The following HIVEP1 variants were observed in gnomAD, a reference collection of about 807,000 sequenced individuals.
HIVEP1 encodes zinc finger protein 40.
Under a neutral mutation model 180.0 loss-of-function variants are expected in HIVEP1, and 36 were observed. That is an observed-to-expected ratio of 0.20 (90% CI 0.15 to 0.26). HIVEP1 has a LOEUF of 0.26. HIVEP1 is among the 10% of genes least tolerant of loss of function. The pLI is 1.00. For synonymous variants in HIVEP1, 1,239 were observed against 1,239.0 expected, an observed-to-expected ratio of 1.00 and a Z score of 0.00; for missense variants, 3,143 against 3,268.7, an observed-to-expected ratio of 0.96 and a Z score of 0.94.
At chr6:12,204,054 G>A in the HIVEP1 span, among the ~76,000 whole-genome samples, 3 of 151,752 alleles carry the variant, frequency 2.0e-5, no homozygotes, top group African/African-American at 7.3e-5. Context: ...TCCAGCCTGG[G>A]CAACAGAGTG....
chr6:12,010,607 A>AT (rs113704481), upstream of HIVEP1, among the ~76,000 whole-genome samples: 693 of 145,458 alleles, frequency 4.8e-3, 6 homozygotes, highest in East Asian at 0.014. Context: ...TTCATCAGGG[A>AT]TTTTTTTTTT....
chr6:12,167,696 CAT>C (rs1760759757), downstream of HIVEP1, among the ~76,000 whole-genome samples: 3 of 28,828 alleles, frequency 1.0e-4, no homozygotes, highest in Non-Finnish European at 2.1e-4. Flanking sequence ...AATATATATA[CAT>C]ATATACATAT....
intron 3 of HIVEP1, among the ~76,000 whole-genome samples, chr6:12,113,097 G>A (rs1435933661): frequency 1.3e-5 from 2 of 151,878 alleles, no homozygotes; most frequent in Non-Finnish European, 2.9e-5. Flanking sequence ...CCTCATGTGA[G>A]CACCTGGTGC....
chr6:12,120,286 A>T lies in HIVEP1; in HGVS notation c.491A>T (p.Asp164Val). The change falls in exon 4 of 9, where the codon GAC (aspartate) becomes GTC (valine). Residue 164 changes from aspartate to valine, a missense_variant. Asp to Val is a radical substitution (Grantham distance 152). This residue lies in a region of HIVEP1 where 306 missense variants were observed against 310.6 expected (regional missense o/e 0.99). Transcript: ENST00000379388. ...AKFSDLDEQC[D>V]SSSLSSKTRT... ...TTCAGTGACCTCGATGAACAATGTG[A>T]CTCAAGTTCCTTGTCAAGTAAAACC... is the stretch of plus-strand genomic sequence containing the variant. 2 of 1,614,130 alleles carry T rather than the reference A, an allele frequency of 1.2e-6. No individual in the cohort carries two copies. The highest frequency in any genetic ancestry group is 1.7e-6 in the Non-Finnish European group (2 of 1,180,010).
the HIVEP1 span, among the ~76,000 whole-genome samples, chr6:12,211,399 CA>C: frequency 0.53 from 38,112 of 71,896 alleles, 7,612 homozygotes; most frequent in South Asian, 0.66. Context: ...GACTCTGTCT[CA>C]AAAAAAAAAA....
downstream of HIVEP1, among the ~76,000 whole-genome samples, chr6:12,167,369 A>G (rs1156501897): frequency 6.6e-6 from 1 of 151,748 alleles, no homozygotes; most frequent in African/African-American, 2.4e-5. Flanking sequence ...TCAACTTCAA[A>G]TAATACCAGA....
chr6:12,050,232 T>G (rs917561407), intron 2 of HIVEP1, among the ~76,000 whole-genome samples: 7 of 152,204 alleles, frequency 4.6e-5, no homozygotes, highest in African/African-American at 1.4e-4. Context: ...AGATAAGCCT[T>G]AGCATCCTCA....
intron 2 of HIVEP1, among the ~76,000 whole-genome samples, chr6:12,029,355 G>A (rs1045824061): frequency 6.6e-6 from 1 of 152,214 alleles, no homozygotes; most frequent in African/African-American, 2.4e-5. Flanking sequence ...TTTGTGGACA[G>A]CGTGTTGCCG....
At chr6:12,105,104 G>A (rs570394747) in intron 3 of HIVEP1, among the ~76,000 whole-genome samples, 9 of 152,058 alleles carry the variant, frequency 5.9e-5, no homozygotes, top group African/African-American at 1.4e-4. Flanking sequence ...AGTTTTCTTC[G>A]CCAGGCTTCT....
intron 4 of HIVEP1, 99 bp from the exon 5 acceptor site, chr6:12,129,660 A>G (rs1758307577): frequency 2.1e-6 from 2 of 949,356 alleles, no homozygotes; most frequent in South Asian, 2.7e-5. Flanking sequence ...TTCGTTGACC[A>G]TATGCTCTGT....
At chr6:12,025,651 A>C (rs1004497854) in intron 2 of HIVEP1, among the ~76,000 whole-genome samples, 19 of 152,212 alleles carry the variant, frequency 1.2e-4, no homozygotes, top group Non-Finnish European at 7.3e-5. Flanking sequence ...ACATTCTATA[A>C]TTTGTCTTCA....
chr6:12,121,390 G>A lies in HIVEP1; in HGVS notation c.1595G>A (p.Ser532Asn), dbSNP rs1387355693. ...AATGCTGAAACTTTACTAAAATCAAGCTTCACTCCAAGCAGTCCAGAAAAT... is the reference window on the plus strand; with the variant it reads ...AATGCTGAAACTTTACTAAAATCAAACTTCACTCCAAGCAGTCCAGAAAAT... ...MSNAETLLKS[S>N]FTPSSPENVI... Residue 532 changes from serine to asparagine, a missense_variant, in exon 4 of 9, where the codon AGC becomes AAC. By Grantham distance (46) the Ser-to-Asn change is conservative. Around this residue, in one of 12 missense-constraint regions of HIVEP1, gnomAD observed 365 missense variants for 344.4 expected, o/e 1.06. Coordinates refer to ENST00000379388, the MANE Select transcript of HIVEP1 (RefSeq NM_002114.4). This position sits in a 1 kb window ranked among gnomAD's most constrained non-coding sequence, Gnocchi z 5.3. 4 of 1,614,002 alleles carry A rather than the reference G, an allele frequency of 2.5e-6. No homozygotes were observed. The African/African-American group carries it at 5.3e-5, about 22-fold the overall frequency.
At chr6:12,075,196 C>T (rs1772269901) in intron 2 of HIVEP1, among the ~76,000 whole-genome samples, 1 of 152,186 alleles carries the variant, frequency 6.6e-6, no homozygotes, top group Non-Finnish European at 1.5e-5. Flanking sequence ...TTGCTCTGCT[C>T]CTTGGGTTTG....
At chr6:12,030,849 C>T (rs1159983776) in intron 2 of HIVEP1, among the ~76,000 whole-genome samples, 1 of 152,116 alleles carries the variant, frequency 6.6e-6, no homozygotes, top group East Asian at 1.9e-4. Context: ...TTCATGTCTC[C>T]AATTTTTTGT....
intron 3 of HIVEP1, among the ~76,000 whole-genome samples, chr6:12,103,137 C>T (rs911575430): frequency 6.6e-6 from 1 of 151,250 alleles, no homozygotes; most frequent in Admixed American, 6.6e-5. Flanking sequence ...GTGGTGTAGC[C>T]ATTTTGTCCT....
At position 12,124,175 on chromosome 6, in the gene HIVEP1, T is replaced by C. The variant is rs374939659; in HGVS notation, c.4380T>C (p.Asn1460=). 6 of 1,613,886 alleles carry C rather than the reference T, an allele frequency of 3.7e-6. No individual in the cohort carries two copies. The highest frequency in any genetic ancestry group is 2.7e-5 in the African/African-American group (2 of 74,924). The part of the protein sequence containing the change: ...SFQNTALPSV[N]AVPYQGPQLT... Reference sequence around the variant, plus strand: ...AAAATACTGCTCTTCCCAGTGTGAATGCAGTGCCATATCAGGGGCCTCAGC... The same window carrying C: ...AAAATACTGCTCTTCCCAGTGTGAACGCAGTGCCATATCAGGGGCCTCAGC... Residue 1460 remains asparagine (N), a synonymous_variant, in exon 4 of 9, where the codon AAT becomes AAC. Coordinates refer to ENST00000379388, the MANE Select transcript of HIVEP1 (RefSeq NM_002114.4).
chr6:12,054,507 A>G (rs1770737386), intron 2 of HIVEP1, among the ~76,000 whole-genome samples: 1 of 152,218 alleles, frequency 6.6e-6, no homozygotes. Context: ...ATATAACTAC[A>G]CATGAATTTT....
intron 2 of HIVEP1, among the ~76,000 whole-genome samples, chr6:12,072,246 A>G (rs886364838): frequency 1.3e-5 from 2 of 152,136 alleles, no homozygotes; most frequent in African/African-American, 4.8e-5. Context: ...AGCATTGCTT[A>G]TAATATTGGC....
At chr6:12,102,498 C>G (rs973107141) in intron 3 of HIVEP1, among the ~76,000 whole-genome samples, 1 of 13,984 alleles carries the variant, frequency 7.2e-5, no homozygotes, top group Non-Finnish European at 6.8e-3. Flanking sequence ...AAATGTCAGT[C>G]AGCAAACCAA....
Sources: gnomAD v4.1 joint callset for allele counts (sites outside exome capture counted in the v4.1 genomes callset) on GRCh38, gnomAD v4.1.1 for gene constraint, gnomAD v4.1.1 regional missense constraint, Gnocchi (gnomAD v3.1) non-coding constraint, MANE v1.5 for transcripts, NCBI Gene and HGNC (gene_info 2026-07-23, HGNC 2026-07-21) for gene names.